SCN9A: variants seen among roughly 807,000 people sequenced by gnomAD.
The protein encoded by SCN9A is sodium channel protein type 9 subunit alpha.
A neutral mutation model predicts 187.0 loss-of-function variants in SCN9A; 131 were observed. That is an observed-to-expected ratio of 0.70 (90% CI 0.61 to 0.81). The LOEUF (loss-of-function observed/expected upper bound fraction) is 0.81, where lower values mean the gene tolerates loss of function less well. Ranked by LOEUF, SCN9A falls within the 30% of genes least tolerant of loss-of-function variation. The pLI, the probability that SCN9A is intolerant of heterozygous loss-of-function variation, is 0.00. For synonymous variants in SCN9A, 809 were observed against 808.6 expected, an observed-to-expected ratio of 1.00 and a Z score of -0.01; for missense variants, 2,252 against 2,396.6, an observed-to-expected ratio of 0.94 and a Z score of 1.26.
rs893461347 is a variant in SCN9A, at chr2:166,272,579, A to G, written c.3171T>C (p.Asp1057=). 6.2e-7 allele frequency: 1 copy of G among 1,613,534 alleles called. No homozygotes were observed. Among genetic ancestry groups the G allele is most frequent in the Non-Finnish European group, 8.5e-7 (1 of 1,179,742 alleles). The change falls in exon 17 of 27, where the codon GAT becomes GAC. Residue 1057 remains aspartate, a synonymous_variant. Coordinates refer to ENST00000642356, the MANE Select transcript of SCN9A (RefSeq NM_001365536.1). ...CGCTGCTTCCAAAACCACTGATTTT[A>G]TCTTTTTCCTTGAGGAAATTGTGAC... ...SKGHNFLKEK[D]KISGFGSSVD... is the part of the protein sequence containing the mutation.
intron 19 of SCN9A, among the ~76,000 whole-genome samples, chr2:166,239,939 G>A (rs1053155972): frequency 6.6e-6 from 1 of 152,118 alleles, no homozygotes; most frequent in African/African-American, 2.4e-5. Flanking sequence ...CCTTATGTGA[G>A]CTCTATCTGA....
intron 23 of SCN9A, among the ~76,000 whole-genome samples, 187 bp from the exon 24 acceptor site, chr2:166,226,891 T>G (rs144860193): frequency 1.3e-5 from 2 of 152,204 alleles, no homozygotes; most frequent in African/African-American, 4.8e-5. Context: ...CATTACATAC[T>G]TATTATTTAA....
At position 166,286,474 on chromosome 2, in the gene SCN9A, G is replaced by A. The variant is rs200682458; in HGVS notation, c.1464C>T (p.Leu488=). The change falls in exon 11 of 27, where the codon CTC becomes CTT. Residue 488 remains leucine, a synonymous_variant. Coordinates refer to ENST00000642356, the MANE Select transcript of SCN9A (RefSeq NM_001365536.1). ...NRRKKKNQKK[L]SSGEEKGDAE... is the part of the protein sequence containing the mutation. ...CATCTCCCTTTTCCTCTCCACTGGA[G>A]AGCTTCTTTTGATTCTTTTTCTTTC... The A allele has an allele frequency of 1.1e-3, 1,709 of 1,613,682 alleles. 3 individuals are homozygous for A. The highest frequency in any genetic ancestry group is 1.4e-3 in the Non-Finnish European group (1,610 of 1,179,842).
chr2:166,237,184 T>C (rs1695356008), intron 20 of SCN9A, among the ~76,000 whole-genome samples: 1 of 151,146 alleles, frequency 6.6e-6, no homozygotes, highest in African/African-American at 2.4e-5. Flanking sequence ...TATATATTAT[T>C]AAGTTATATT....
At chr2:166,235,725 G>C (rs1019066478) in intron 20 of SCN9A, among the ~76,000 whole-genome samples, 16 of 150,772 alleles carry the variant, frequency 1.1e-4, no homozygotes, top group African/African-American at 3.7e-4. Flanking sequence ...CCCAAAATTT[G>C]CATCTCTGTC....
At chr2:166,359,831 G>T (rs1700234661) in intron 1 of SCN9A, among the ~76,000 whole-genome samples, 1 of 151,598 alleles carries the variant, frequency 6.6e-6, no homozygotes, top group South Asian at 2.1e-4. Context: ...ATAATACCCT[G>T]TAATAATCAT....
At chr2:166,217,486 A>T (rs1424099509) in intron 24 of SCN9A, among the ~76,000 whole-genome samples, 3 of 152,088 alleles carry the variant, frequency 2.0e-5, no homozygotes, top group Non-Finnish European at 4.4e-5. Flanking sequence ...ATCCAACATT[A>T]TACATAAAAA....
chr2:166,207,831 G>A (rs1300132968), intron 24 of SCN9A, among the ~76,000 whole-genome samples: 3 of 152,178 alleles, frequency 2.0e-5, no homozygotes, highest in Non-Finnish European at 4.4e-5. Context: ...CAAGGCATGA[G>A]AGAGACAGAC....
At position 166,288,466 on chromosome 2, in the gene SCN9A, G is replaced by C. The variant is rs763256222; in HGVS notation, c.1285C>G (p.Arg429Gly). 8 of 1,609,912 alleles carry C rather than the reference G, an allele frequency of 5.0e-6. No individual in the cohort carries two copies. Among genetic ancestry groups the C allele is most frequent in the Non-Finnish European group, 5.1e-6 (6 of 1,177,372 alleles). The change falls in exon 10 of 27, where the codon CGT becomes GGT. Residue 429 changes from arginine (R) to glycine (G), a missense_variant. Arg to Gly is a moderately radical substitution (Grantham distance 125). Coordinates refer to ENST00000642356, the MANE Select transcript of SCN9A (RefSeq NM_001365536.1). The part of the protein sequence containing the change: ...KELEFQQMLD[R>G]LKKEQEEAEA... ...GCTTCTTCTTGCTCTTTTTTAAGAC[G>C]GTCTAACATCTGTTGAAATTCTAAT...
intron 24 of SCN9A, among the ~76,000 whole-genome samples, chr2:166,222,985 A>AAAAAAAAAAAAAAAATT (rs1694687769): frequency 7.7e-6 from 1 of 129,812 alleles, no homozygotes; most frequent in Non-Finnish European, 1.7e-5. Flanking sequence ...GCAACAAAAA[A>AAAAAAAAAAAAAAAATT]CCGTAAAGAG....
intron 19 of SCN9A, among the ~76,000 whole-genome samples, chr2:166,241,872 C>T (rs999315922): frequency 6.6e-6 from 1 of 152,076 alleles, no homozygotes; most frequent in Non-Finnish European, 1.5e-5. Flanking sequence ...AGTTCTTGTC[C>T]TACTCAACTA....
At position 166,293,183 on chromosome 2, in the gene SCN9A, G is replaced by A. The variant is rs7588632; in HGVS notation, c.1107+48C>T. The A allele has an allele frequency of 0.62, 951,546 of 1,524,274 alleles. 301,324 individuals are homozygous for A. Among genetic ancestry groups the A allele is most frequent in the African/African-American group, 0.9 (65,455 of 72,882 alleles). 94.4% of individuals were successfully genotyped at this position (1,524,274 alleles called of 1,614,324 possible). On this transcript the variant is annotated intron_variant, in intron 9 of 26. Transcript: ENST00000642356. Reference sequence around the variant, plus strand: ...AATACAGGCTCTTAACATACACCAGGTACATATGCCATTCAAAAATACAAT... The same window carrying A: ...AATACAGGCTCTTAACATACACCAGATACATATGCCATTCAAAAATACAAT...
At position 166,254,442 on chromosome 2, in the gene SCN9A, T is replaced by A. The variant is rs138124102; in HGVS notation, c.3352-2557A>T. On this transcript the variant is annotated intron_variant, in intron 17 of 26. Coordinates refer to ENST00000642356, the MANE Select transcript of SCN9A (RefSeq NM_001365536.1). ...TACAGTATAAGCTTCTTTAGCAGATTTCTAAGAGAATACCTTTATATAGAA... is the reference window on the plus strand; with the variant it reads ...TACAGTATAAGCTTCTTTAGCAGATATCTAAGAGAATACCTTTATATAGAA... 5.9e-3 allele frequency among the ~76,000 whole-genome samples: 891 copies of A among 151,624 alleles called. 13 individuals carry two copies. Among genetic ancestry groups the A allele is most frequent in the African/African-American group, 0.021 (858 of 41,508 alleles).
intron 20 of SCN9A, among the ~76,000 whole-genome samples, chr2:166,234,435 G>C (rs1695224329): frequency 6.6e-6 from 1 of 152,160 alleles, no homozygotes; most frequent in Admixed American, 6.5e-5. Context: ...AGGAACAGAT[G>C]AGAGCCAACT....
intron 1 of SCN9A, among the ~76,000 whole-genome samples, chr2:166,314,168 G>T (rs72882882): frequency 0.2 from 29,732 of 152,122 alleles, 3,690 homozygotes; most frequent in Non-Finnish European, 0.29. Context: ...TTGCCAAAGT[G>T]TGACACAGAT....
At chr2:166,306,922 G>A (rs772672495) in intron 3 of SCN9A, 34 bp downstream of exon 3, 1 of 1,215,498 alleles carries the variant, frequency 8.2e-7, no homozygotes, top group Non-Finnish European at 1.2e-6. Flanking sequence ...ACACCATAAA[G>A]TGCCACTGGA....
At chr2:166,260,721 C>G (rs1038245994) in intron 17 of SCN9A, among the ~76,000 whole-genome samples, 3 of 151,648 alleles carry the variant, frequency 2.0e-5, no homozygotes, top group Non-Finnish European at 4.4e-5. Context: ...AACTCTATGC[C>G]TATTATAATT....
In SCN9A at chr2:166,265,935, T is replaced by TAC. The variant is rs2106449056; in HGVS notation, c.3351+6463_3351+6464insGT. 2.6e-5 allele frequency among the ~76,000 whole-genome samples: 4 copies of TAC among 152,160 alleles called. No homozygotes were observed. In the South Asian group the frequency reaches 8.3e-4, roughly 32 times the overall value. On this transcript the variant is annotated intron_variant, in intron 17 of 26. Coordinates refer to ENST00000642356, the MANE Select transcript of SCN9A (RefSeq NM_001365536.1). Reference sequence around the variant, plus strand: ...TTTTTTTTGTCGTTGTTGAGTTGTTTGAGTTCCTTGTATGTTTTAGATATT... The same window carrying TAC: ...TTTTTTTTGTCGTTGTTGAGTTGTTTACGAGTTCCTTGTATGTTTTAGATATT...
intron 1 of SCN9A, among the ~76,000 whole-genome samples, chr2:166,371,076 T>C (rs572437382): frequency 2.6e-5 from 4 of 152,262 alleles, no homozygotes; most frequent in Non-Finnish European, 4.4e-5. Flanking sequence ...GAAATTACAG[T>C]TAAAGTAACG....
Sources: allele counts gnomAD v4.1 joint callset (sites outside exome capture counted in the v4.1 genomes callset), GRCh38; gene constraint gnomAD v4.1.1; transcripts MANE v1.5; gene names NCBI Gene and HGNC (gene_info 2026-07-23, HGNC 2026-07-21).